ADGRL3: variants seen among roughly 807,000 people sequenced by gnomAD.
ADGRL3 encodes the protein adhesion G protein-coupled receptor L3, also known as calcium-independent alpha-latrotoxin receptor 3.
Under a neutral mutation model 153.5 loss-of-function variants are expected in ADGRL3, and 62 were observed. That is an observed-to-expected ratio of 0.40 (90% CI 0.33 to 0.50). The LOEUF (loss-of-function observed/expected upper bound fraction) is 0.50, where lower values mean the gene tolerates loss of function less well. Among genes scored for constraint, ADGRL3 ranks in the 20% least tolerant of loss-of-function variants. The pLI is 0.47. For synonymous variants in ADGRL3, 710 were observed against 672.5 expected (o/e 1.06, Z -0.86); for missense variants, 1,641 against 1,859.4 (o/e 0.88, Z 2.16).
At chr4:61,854,410 G>A (rs939134538) in intron 9 of ADGRL3, among the ~76,000 whole-genome samples, 2 of 152,100 alleles carry the variant, frequency 1.3e-5, no homozygotes, top group Non-Finnish European at 2.9e-5. Context: ...AATTTGATAG[G>A]AATATGTCAA....
intron 2 of ADGRL3, among the ~76,000 whole-genome samples, chr4:61,407,638 A>G (rs1017174293): frequency 3.9e-5 from 6 of 152,188 alleles, no homozygotes; most frequent in African/African-American, 9.6e-5. Context: ...ATTCTCTGTC[A>G]TCATTGAAGA....
chr4:61,319,295 C>G (rs747729666), intron 1 of ADGRL3, among the ~76,000 whole-genome samples: 1 of 152,208 alleles, frequency 6.6e-6, no homozygotes, highest in Non-Finnish European at 1.5e-5. Context: ...CCTACAACCA[C>G]TTCAAATAAA....
chr4:61,550,183 G>A (rs1354024876), intron 4 of ADGRL3, among the ~76,000 whole-genome samples: 5 of 148,916 alleles, frequency 3.4e-5, no homozygotes, highest in Admixed American at 1.3e-4. Context: ...AATTCAGATA[G>A]TATATTCATC....
chr4:61,368,447 G>A (rs1369620685), intron 1 of ADGRL3, among the ~76,000 whole-genome samples: 1 of 152,086 alleles, frequency 6.6e-6, no homozygotes, highest in Non-Finnish European at 1.5e-5. Context: ...TTCTACATAT[G>A]GCTGGCCAGT....
intron 23 of ADGRL3, among the ~76,000 whole-genome samples, chr4:62,035,195 T>C (rs1392796806): frequency 6.6e-6 from 1 of 151,990 alleles, no homozygotes; most frequent in Non-Finnish European, 1.5e-5. Flanking sequence ...CAGTAAGTAA[T>C]GTAGCTAATG....
At chr4:61,248,925 A>T (rs1758122079) in intron 1 of ADGRL3, among the ~76,000 whole-genome samples, 1 of 152,118 alleles carries the variant, frequency 6.6e-6, no homozygotes, top group Non-Finnish European at 1.5e-5. Context: ...AATTTCTTGG[A>T]TGGTTGTATT....
At chr4:61,372,792 G>T (rs1156859059) in intron 1 of ADGRL3, among the ~76,000 whole-genome samples, 35 of 152,274 alleles carry the variant, frequency 2.3e-4, no homozygotes, top group Middle Eastern at 3.4e-3. Context: ...GTTTACCTAA[G>T]CAAGCCTGGG....
intron 1 of ADGRL3, among the ~76,000 whole-genome samples, chr4:61,352,565 A>G (rs1022220916): frequency 2.0e-5 from 3 of 151,922 alleles, no homozygotes; most frequent in African/African-American, 2.4e-5. Flanking sequence ...TTGCATTTTT[A>G]GTAGAGACAG....
chr4:61,236,801 G>T (rs1000446178), intron 1 of ADGRL3, among the ~76,000 whole-genome samples: 2 of 152,148 alleles, frequency 1.3e-5, no homozygotes, highest in African/African-American at 4.8e-5. Context: ...TCGATAAAGC[G>T]AATTAGAGCT....
chr4:61,934,137 T>A (rs1342462816), intron 13 of ADGRL3, among the ~76,000 whole-genome samples: 1 of 152,216 alleles, frequency 6.6e-6, no homozygotes, highest in Non-Finnish European at 1.5e-5. Context: ...TTTGTATCTA[T>A]GTGTGGGTGT....
At chr4:61,243,600 A>G (rs1249372880) in intron 1 of ADGRL3, among the ~76,000 whole-genome samples, 1 of 151,992 alleles carries the variant, frequency 6.6e-6, no homozygotes, top group Non-Finnish European at 1.5e-5. Context: ...TAAAAGATAT[A>G]TTCTTGTAAT....
chr4:61,436,852 C>T (rs190939560), intron 2 of ADGRL3, among the ~76,000 whole-genome samples: 241 of 150,288 alleles, frequency 1.6e-3, no homozygotes, highest in Non-Finnish European at 2.8e-3. Flanking sequence ...ATACAGAGAG[C>T]ATTAGAATAA....
chr4:61,663,949 A>G (rs1189637892), intron 5 of ADGRL3, among the ~76,000 whole-genome samples: 2 of 152,188 alleles, frequency 1.3e-5, no homozygotes, highest in Admixed American at 6.5e-5. Context: ...TTGTCATCAG[A>G]GTCATTCTAA....
chr4:61,497,515 CTTT>C (rs5858707), intron 3 of ADGRL3, among the ~76,000 whole-genome samples, 167 bp downstream of exon 3: 24 of 95,328 alleles, frequency 2.5e-4, no homozygotes, highest in Non-Finnish European at 3.6e-4. Context: ...CTTTTCTTTT[CTTT>C]TTTTTTTTTT....
intron 2 of ADGRL3, among the ~76,000 whole-genome samples, chr4:61,411,812 C>T (rs552201067): frequency 7.7e-4 from 117 of 152,164 alleles, no homozygotes; most frequent in African/African-American, 2.7e-3. Flanking sequence ...TGGGGTATTT[C>T]AGAGATTCCC....
At chr4:61,856,655 C>G (rs1367675689) in intron 9 of ADGRL3, among the ~76,000 whole-genome samples, 1 of 105,354 alleles carries the variant, frequency 9.5e-6, no homozygotes, top group Non-Finnish European at 1.8e-5. Context: ...TTGCTCTTAT[C>G]ACCCAGGCTG....
At chr4:61,333,922 T>A (rs1469778307) in intron 1 of ADGRL3, among the ~76,000 whole-genome samples, 4 of 144,000 alleles carry the variant, frequency 2.8e-5, no homozygotes, top group East Asian at 2.0e-4. Flanking sequence ...TGCCTGTATT[T>A]TTTTTTTTTT....
intron 9 of ADGRL3, among the ~76,000 whole-genome samples, chr4:61,843,085 C>T (rs1268951750): frequency 6.6e-6 from 1 of 152,034 alleles, no homozygotes; most frequent in African/African-American, 2.4e-5. Context: ...AGGATTAAGT[C>T]TTTCAAAATG....
At chr4:61,552,896 A>C (rs1362243118) in intron 4 of ADGRL3, among the ~76,000 whole-genome samples, 2 of 152,158 alleles carry the variant, frequency 1.3e-5, no homozygotes, top group African/African-American at 2.4e-5. Context: ...TCCTATATTC[A>C]GCTTTCTTTG....
Sources: gnomAD v4.1 joint callset for allele counts (sites outside exome capture counted in the v4.1 genomes callset) on GRCh38, gnomAD v4.1.1 for gene constraint, MANE v1.5 for transcripts, NCBI Gene and HGNC (gene_info 2026-07-23, HGNC 2026-07-21) for gene names.